The following CPVL variants were observed in gnomAD, a reference collection of about 807,000 sequenced individuals.
CPVL encodes the protein carboxypeptidase vitellogenic like, also known as probable serine carboxypeptidase CPVL.
CPVL carries 51 observed loss-of-function variants against 63.7 expected under a neutral mutation model. That is an observed-to-expected ratio of 0.80 (90% CI 0.64 to 1.01). CPVL has a LOEUF of 1.01. CPVL is among the 50% of genes least tolerant of loss of function. The probability of loss-of-function intolerance (pLI) is 0.00; values close to 1 mark genes in which losing one functional copy is unlikely to be tolerated. For missense variants in CPVL, 530 were observed against 573.1 expected, an observed-to-expected ratio of 0.92 and a Z score of 0.77; for synonymous variants, 195 against 206.0, an observed-to-expected ratio of 0.95 and a Z score of 0.46.
At chr7:29,013,978 T>C (rs1224311457) in intron 12 of CPVL, among the ~76,000 whole-genome samples, 3 of 152,208 alleles carry the variant, frequency 2.0e-5, no homozygotes, top group Non-Finnish European at 4.4e-5. Flanking sequence ...TATCACAGTT[T>C]TATTTCTCCC....
chr7:29,156,490 G>A (rs1170880770), intron 5 of CPVL, among the ~76,000 whole-genome samples: 6 of 152,180 alleles, frequency 3.9e-5, no homozygotes, highest in Admixed American at 6.6e-5. Context: ...TAAAGATGGC[G>A]ATCTTGTGAA....
At chr7:29,153,804 A>C (rs1441381686) in intron 5 of CPVL, among the ~76,000 whole-genome samples, 5 of 152,148 alleles carry the variant, frequency 3.3e-5, no homozygotes, top group Non-Finnish European at 7.3e-5. Flanking sequence ...TCTTGGCCTC[A>C]AGTGATCTAC....
chr7:29,181,417 GA>G (rs1487093346), intron 4 of CPVL: 2 of 152,136 alleles, frequency 1.3e-5, no homozygotes, highest in Admixed American at 6.5e-5. Context: ...TCAAGCCTAA[GA>G]AAATAAACAG....
chr7:29,061,104 C>T (rs2013465), intron 11 of CPVL, among the ~76,000 whole-genome samples: 13,888 of 152,104 alleles, frequency 0.091, 1,907 homozygotes, highest in African/African-American at 0.3. Context: ...TTCTGGCAAC[C>T]GATTCAGAGT....
intron 12 of CPVL, among the ~76,000 whole-genome samples, chr7:29,005,681 T>C (rs1487704025): frequency 6.6e-6 from 1 of 152,184 alleles, no homozygotes; most frequent in Non-Finnish European, 1.5e-5. Flanking sequence ...AGCAAGACCT[T>C]ACTTGTCGTA....
At chr7:29,064,282 G>A in intron 10 of CPVL, 48 bp from the exon 11 acceptor site, 1 of 1,195,572 alleles carries the variant, frequency 8.4e-7, no homozygotes, top group South Asian at 1.3e-5. Flanking sequence ...ATTGGTGGCA[G>A]GAACAGTATG....
chr7:29,159,869 A>G (rs1195948020), intron 5 of CPVL, among the ~76,000 whole-genome samples: 1 of 152,234 alleles, frequency 6.6e-6, no homozygotes, highest in Non-Finnish European at 1.5e-5. Context: ...GCAAGTGCCT[A>G]GAACAGTGCC....
At chr7:29,058,700 CTT>C (rs1790988188) in intron 11 of CPVL, among the ~76,000 whole-genome samples, 1 of 152,082 alleles carries the variant, frequency 6.6e-6, no homozygotes. Context: ...TCTCTCAACA[CTT>C]TAAATATTTC....
At chr7:29,116,021 G>A (rs1788745348) in intron 2 of CPVL, among the ~76,000 whole-genome samples, 2 of 152,140 alleles carry the variant, frequency 1.3e-5, no homozygotes, top group African/African-American at 4.8e-5. Flanking sequence ...GGGAATTTGT[G>A]TTATTTAACT....
At chr7:29,007,598 G>C (rs1250221238) in intron 12 of CPVL, among the ~76,000 whole-genome samples, 2 of 152,164 alleles carry the variant, frequency 1.3e-5, no homozygotes, top group Non-Finnish European at 2.9e-5. Flanking sequence ...AAAGGAAATA[G>C]TCTTTAGCTG....
chr7:29,087,324 T>C (rs749565557), intron 6 of CPVL, among the ~76,000 whole-genome samples: 9 of 148,456 alleles, frequency 6.1e-5, no homozygotes, highest in Non-Finnish European at 1.2e-4. Flanking sequence ...CTCAGGAGGC[T>C]GAGACAGAAG....
chr7:29,049,166 C>A (rs905918057), intron 11 of CPVL, among the ~76,000 whole-genome samples: 1 of 151,552 alleles, frequency 6.6e-6, no homozygotes, highest in Non-Finnish European at 1.5e-5. Flanking sequence ...AGGCAATAAC[C>A]AAGATCAGAA....
intron 6 of CPVL, among the ~76,000 whole-genome samples, chr7:29,088,825 A>C (rs1447675620): frequency 6.6e-6 from 1 of 152,100 alleles, no homozygotes; most frequent in Non-Finnish European, 1.5e-5. Flanking sequence ...AAATACAAAA[A>C]TTATCTGGGT....
intron 9 of CPVL, among the ~76,000 whole-genome samples, chr7:29,071,472 G>T (rs1783723304): frequency 6.6e-6 from 1 of 152,116 alleles, no homozygotes; most frequent in African/African-American, 2.4e-5. Context: ...ATATGATAGA[G>T]TCTGCCTTGA....
intron 1 of CPVL, chr7:29,193,590 T>G (rs1217682072): frequency 6.6e-6 from 1 of 152,202 alleles, no homozygotes; most frequent in Non-Finnish European, 1.5e-5. Context: ...AAGAACCGAT[T>G]AGCCCGCTGG....
chr7:29,108,798 A>C (rs1787976488), intron 3 of CPVL, among the ~76,000 whole-genome samples: 1 of 152,286 alleles, frequency 6.6e-6, no homozygotes, highest in Non-Finnish European at 1.5e-5. Flanking sequence ...CCCCAAGGTC[A>C]CCTTTAGCTT....
intron 3 of CPVL, among the ~76,000 whole-genome samples, chr7:29,111,383 G>C (rs1004634710): frequency 2.6e-4 from 39 of 152,276 alleles, no homozygotes; most frequent in Admixed American, 2.5e-3. Context: ...TCTACCTATG[G>C]GAGGCACCAA....
At chr7:29,011,067 C>A (rs1411044924) in intron 12 of CPVL, 2 of 152,184 alleles carry the variant, frequency 1.3e-5, no homozygotes, top group Non-Finnish European at 2.9e-5. Context: ...GTGTAATCAA[C>A]TAGAAACAAA....
At chr7:29,062,939 C>G (rs1369137859) in intron 11 of CPVL, among the ~76,000 whole-genome samples, 1 of 152,106 alleles carries the variant, frequency 6.6e-6, no homozygotes, top group Non-Finnish European at 1.5e-5. Context: ...GGTGGTCTCC[C>G]CAGTCATCAG....
Sources: allele counts gnomAD v4.1 joint callset (sites outside exome capture counted in the v4.1 genomes callset), GRCh38; gene constraint gnomAD v4.1.1; transcripts MANE v1.5; gene names NCBI Gene and HGNC (gene_info 2026-07-23, HGNC 2026-07-21).